Variants in CNTNAP2 observed in about 807,000 individuals in gnomAD.
The protein encoded by CNTNAP2 is contactin associated protein 2.
Under a neutral mutation model 155.2 loss-of-function variants are expected in CNTNAP2, and 98 were observed. The ratio of observed to expected loss-of-function variants is 0.63; its 90% CI spans 0.54 to 0.75. The LOEUF is 0.75. CNTNAP2 is among the 30% of genes least tolerant of loss of function. The pLI is 0.00. For missense variants in CNTNAP2, 1,727 were observed against 1,688.1 expected, an observed-to-expected ratio of 1.02 and a Z score of -0.40; for synonymous variants, 651 against 631.2, an observed-to-expected ratio of 1.03 and a Z score of -0.47.
At chr7:146,922,937 T>C (rs1796534454) in intron 3 of CNTNAP2, among the ~76,000 whole-genome samples, 1 of 152,180 alleles carries the variant, frequency 6.6e-6, no homozygotes, top group African/African-American at 2.4e-5. Context: ...TTAAGTGTAT[T>C]ACTAGAGTAA....
chr7:146,375,660 A>G (rs890129123), intron 1 of CNTNAP2, among the ~76,000 whole-genome samples: 1 of 152,152 alleles, frequency 6.6e-6, no homozygotes, highest in Non-Finnish European at 1.5e-5. Context: ...TTAATGAATA[A>G]CTCTGATTGC....
chr7:147,046,315 C>T (rs1297086530), intron 4 of CNTNAP2, among the ~76,000 whole-genome samples: 1 of 152,136 alleles, frequency 6.6e-6, no homozygotes. Context: ...ATTTGTATCA[C>T]CAAAGATTAG....
intron 13 of CNTNAP2, among the ~76,000 whole-genome samples, chr7:147,697,101 T>A (rs181331002): frequency 6.6e-6 from 1 of 152,324 alleles, no homozygotes; most frequent in East Asian, 1.9e-4. Flanking sequence ...AAGTTTCTGT[T>A]ATCACGTCCT....
At chr7:147,964,772 T>C (rs1200310834) in intron 14 of CNTNAP2, among the ~76,000 whole-genome samples, 1 of 152,202 alleles carries the variant, frequency 6.6e-6, no homozygotes, top group Non-Finnish European at 1.5e-5. Context: ...TTGGACTGAA[T>C]CATAAATGGT....
chr7:147,104,940 G>C (rs1412218423), intron 4 of CNTNAP2, among the ~76,000 whole-genome samples: 1 of 128,252 alleles, frequency 7.8e-6, no homozygotes, highest in Non-Finnish European at 1.6e-5. Flanking sequence ...ACCTTATATA[G>C]TTGGATAGAT....
At chr7:148,381,914 A>G (rs949236890) in intron 21 of CNTNAP2, among the ~76,000 whole-genome samples, 2 of 152,222 alleles carry the variant, frequency 1.3e-5, no homozygotes, top group Non-Finnish European at 2.9e-5. Context: ...TCTCTAGGAA[A>G]GAGGCACATC....
At chr7:147,025,845 G>T (rs1238187680) in intron 3 of CNTNAP2, among the ~76,000 whole-genome samples, 2 of 134,172 alleles carry the variant, frequency 1.5e-5, no homozygotes, top group African/African-American at 2.9e-5. Flanking sequence ...CAGGTGTGTT[G>T]CTGTTGTTTT....
chr7:146,603,385 C>G (rs1169367817), intron 1 of CNTNAP2, among the ~76,000 whole-genome samples: 1 of 150,114 alleles, frequency 6.7e-6, no homozygotes, highest in Admixed American at 6.6e-5. Context: ...GCACTCCAGC[C>G]TGGGGGACAG....
intron 13 of CNTNAP2, among the ~76,000 whole-genome samples, chr7:147,746,257 A>G (rs1184185360): frequency 2.0e-5 from 3 of 152,186 alleles, no homozygotes. Context: ...TGTTTGCTCT[A>G]CTGATTGAAA....
chr7:146,797,017 T>C (rs994031420), intron 2 of CNTNAP2, among the ~76,000 whole-genome samples: 67 of 152,156 alleles, frequency 4.4e-4, no homozygotes, highest in African/African-American at 1.6e-3. Context: ...GCGCCTGTAG[T>C]CCCAGCTACT....
At chr7:147,315,836 C>T (rs1466285857) in intron 9 of CNTNAP2, among the ~76,000 whole-genome samples, 1 of 151,986 alleles carries the variant, frequency 6.6e-6, no homozygotes, top group Non-Finnish European at 1.5e-5. Context: ...TTATGACTGG[C>T]TTCTTTCATT....
At chr7:146,853,238 A>G (rs1794915355) in intron 3 of CNTNAP2, among the ~76,000 whole-genome samples, 1 of 152,232 alleles carries the variant, frequency 6.6e-6, no homozygotes, top group African/African-American at 2.4e-5. Context: ...TGAAATATTA[A>G]TAGAAGTATT....
At chr7:146,681,605 G>GA (rs1800505731) in intron 1 of CNTNAP2, among the ~76,000 whole-genome samples, 1 of 83,600 alleles carries the variant, frequency 1.2e-5, no homozygotes, top group African/African-American at 4.5e-5. Flanking sequence ...GAGGGGGTGG[G>GA]AAAGGGGAGA....
Position 146,947,555 on chromosome 7 carries a change from G to GTA in CNTNAP2, c.403-96351_403-96350insAT, listed in dbSNP as rs1483517317. ...TGTGTGTGTGTGTATGTGTGTGTGT[G>GTA]TGTATATATATATATATATACATAT... On this transcript the variant is annotated intron_variant, in intron 3 of 23. Coordinates refer to ENST00000361727, the MANE Select transcript of CNTNAP2 (RefSeq NM_014141.6). Among the ~76,000 whole-genome samples, 312 of 39,342 alleles carry GTA rather than the reference G, an allele frequency of 7.9e-3. 1 individual carries two copies. The highest frequency in any genetic ancestry group is 0.019 in the African/African-American group (272 of 13,956). 25.8% of individuals were successfully genotyped at this position (39,342 alleles called of 152,430 possible).
intron 14 of CNTNAP2, among the ~76,000 whole-genome samples, chr7:147,918,774 G>A (rs11983523): frequency 0.049 from 7,492 of 152,188 alleles, 602 homozygotes; most frequent in African/African-American, 0.17. Flanking sequence ...CATCTGTGAC[G>A]ATATTTACCT....
At chr7:147,854,748 T>C (rs1292851543) in intron 13 of CNTNAP2, among the ~76,000 whole-genome samples, 1 of 152,174 alleles carries the variant, frequency 6.6e-6, no homozygotes, top group Admixed American at 6.6e-5. Context: ...TGATTCTCAA[T>C]TCACTATTGG....
At chr7:148,198,579 C>A (rs1795314806) in intron 18 of CNTNAP2, among the ~76,000 whole-genome samples, 1 of 152,208 alleles carries the variant, frequency 6.6e-6, no homozygotes, top group Non-Finnish European at 1.5e-5. Context: ...TGTGTCCCAG[C>A]AAGTGGTAGC....
intron 1 of CNTNAP2, among the ~76,000 whole-genome samples, chr7:146,448,841 A>G (rs1044843432): frequency 1.3e-5 from 2 of 152,116 alleles, no homozygotes; most frequent in South Asian, 4.1e-4. Flanking sequence ...CCTATACATA[A>G]CAACTTATAT....
intron 3 of CNTNAP2, among the ~76,000 whole-genome samples, chr7:147,004,760 C>T (rs1332937813): frequency 4.6e-5 from 7 of 151,782 alleles, no homozygotes; most frequent in African/African-American, 1.7e-4. Flanking sequence ...TTTATTATTG[C>T]CTTTATTTTG....
Sources: allele counts gnomAD v4.1 joint callset (sites outside exome capture counted in the v4.1 genomes callset), GRCh38; gene constraint gnomAD v4.1.1; transcripts MANE v1.5; gene names NCBI Gene and HGNC (gene_info 2026-07-23, HGNC 2026-07-21).